The following ERCC1 variants were observed in gnomAD, a reference collection of about 807,000 sequenced individuals.
ERCC1 encodes the protein ERCC excision repair 1, endonuclease non-catalytic subunit.
Under a neutral mutation model 37.6 loss-of-function variants are expected in ERCC1, and 36 were observed. That is an observed-to-expected ratio of 0.96 (90% CI 0.73 to 1.26). The LOEUF (loss-of-function observed/expected upper bound fraction) is 1.26. Ranked by LOEUF, ERCC1 falls within the 50% of genes most tolerant of loss-of-function variation. The probability of loss-of-function intolerance (pLI) is 0.00; values close to 1 mark genes in which losing one functional copy is unlikely to be tolerated. For synonymous variants in ERCC1, 156 were observed against 162.1 expected (o/e 0.96, Z 0.28); for missense variants, 349 against 376.5 (o/e 0.93, Z 0.60).
chr19:45,422,336 G>A (rs1032586759), intron 2 of ERCC1, among the ~76,000 whole-genome samples: 4 of 152,070 alleles, frequency 2.6e-5, no homozygotes, highest in East Asian at 1.9e-4. Context: ...CCTTGAACAC[G>A]GCAGGCTCTC....
At chr19:45,419,046 C>T (rs758615882) in intron 5 of ERCC1, 52 bp downstream of exon 5, 111 of 1,277,600 alleles carry the variant, frequency 8.7e-5, no homozygotes, top group Non-Finnish European at 1.2e-4. Flanking sequence ...CAACAGCCCA[C>T]TGCACAACCT....
At position 45,450,771 on chromosome 19, in the gene ERCC1, CAAA is replaced by C. The variant is rs34533501; in HGVS notation, c.-7-27393_-7-27391del. The C allele has an allele frequency of 2.1e-3, 235 of 112,922 alleles. 2 individuals carry two copies. The highest frequency in any genetic ancestry group is 6.8e-3 in the African/African-American group (217 of 31,956). The allele number at this position is 112,922 out of a possible 1,614,324, so 7.0% of individuals were successfully genotyped here. On this transcript the variant is annotated intron_variant, in intron 1 of 8. Coordinates refer to the ERCC1 transcript ENST00000423698. ...ACAGAGCGAAAGCGAGACTCCGTCTCAAAAAAAAAAAAAAAAAGAGAGAGAGAA... is the reference window on the plus strand; with the variant it reads ...ACAGAGCGAAAGCGAGACTCCGTCTCAAAAAAAAAAAAAAGAGAGAGAGAA...
At chr19:45,422,912 T>C (rs1053765480) in intron 2 of ERCC1, among the ~76,000 whole-genome samples, 3 of 152,212 alleles carry the variant, frequency 2.0e-5, no homozygotes, top group African/African-American at 7.2e-5. Context: ...TGCCAGGTCC[T>C]TCCATTTACC....
intron 5 of ERCC1, among the ~76,000 whole-genome samples, chr19:45,418,780 G>A (rs539863848): frequency 6.6e-6 from 1 of 152,234 alleles, no homozygotes; most frequent in South Asian, 2.1e-4. Flanking sequence ...CCAAGATCAA[G>A]TCATTGCACT....
chr19:45,407,334 C>A lies in ERCC1; in HGVS notation c.*2341G>T. The stretch of plus-strand genomic sequence containing the variant: ...AAAGAATTAGAGGTGAGTCACAGAG[C>A]ACAGTGAAAGAAACAAGTTTATTGG... On this transcript the variant is annotated 3_prime_UTR_variant, in exon 10 of 10. Coordinates refer to ENST00000300853, the MANE Select transcript of ERCC1 (RefSeq NM_001983.4). The A allele has an allele frequency of 8.5e-7, 1 of 1,181,342 alleles. No homozygotes were observed. 73.2% of individuals were successfully genotyped at this position (1,181,342 alleles called of 1,614,324 possible).
chr19:45,437,125 C>T (rs1045364281), intron 1 of ERCC1, among the ~76,000 whole-genome samples: 5 of 151,636 alleles, frequency 3.3e-5, no homozygotes, highest in South Asian at 2.1e-4. Flanking sequence ...GACACACGCC[C>T]GTAATCCCAG....
intron 5 of ERCC1, 107 bp from the exon 6 acceptor site, chr19:45,417,004 G>A (rs1974107245): frequency 3.7e-6 from 3 of 814,508 alleles, no homozygotes; most frequent in African/African-American, 1.7e-5. Flanking sequence ...AGCTGAGGTG[G>A]GGGAACTGCT....
rs1599794588 is a variant in ERCC1 at position 45,409,234 on chromosome 19, G to C, written c.*441C>G. The C allele has an allele frequency of 1.4e-6, 1 of 712,688 alleles. No homozygotes were observed. The highest frequency in any genetic ancestry group is 4.1e-5 in the South Asian group (1 of 24,516). The allele number at this position is 712,688 out of a possible 1,614,324, so 44.1% of individuals were successfully genotyped here. A position where few individuals can be genotyped will look rare whatever the true frequency, so the allele number is the denominator to read the frequency against. ...CTCAGGCAGCTCCCACATCCACCAA[G>C]AAGAAGAAGAAGAAGAAAGAGAGAG... On this transcript the variant is annotated 3_prime_UTR_variant, in exon 10 of 10. Coordinates refer to ENST00000300853, the MANE Select transcript of ERCC1 (RefSeq NM_001983.4).
At chr19:45,446,120 G>A (rs540794091) in intron 1 of ERCC1, among the ~76,000 whole-genome samples, 93 of 151,882 alleles carry the variant, frequency 6.1e-4, no homozygotes, top group African/African-American at 1.8e-3. Context: ...GGCTGGTCTC[G>A]AACTCCTGAC....
chr19:45,418,585 G>C (rs1184330919), intron 5 of ERCC1, among the ~76,000 whole-genome samples: 1 of 151,696 alleles, frequency 6.6e-6, no homozygotes, highest in African/African-American at 2.4e-5. Context: ...GCCTTTGGGA[G>C]GCTGAGGTGG....
At chr19:45,443,536 C>G (rs1975174634) in intron 1 of ERCC1, among the ~76,000 whole-genome samples, 1 of 152,146 alleles carries the variant, frequency 6.6e-6, no homozygotes, top group Non-Finnish European at 1.5e-5. Context: ...ACGAGCCGCT[C>G]CCCCAGGATC....
At position 45,421,208 on chromosome 19, in the gene ERCC1, T is replaced by C. The variant is rs777946632; in HGVS notation, c.291A>G (p.Lys97=). The part of the protein sequence containing the change: ...TPNQALKPGA[K]SNSIIVSPRQ... ...GAGGGCTCACAATGATGCTGTTGGATTTTGCCCCGGGTTTCAGGGCCTGGT... is the reference window on the plus strand; with the variant it reads ...GAGGGCTCACAATGATGCTGTTGGACTTTGCCCCGGGTTTCAGGGCCTGGT... Residue 97 remains lysine, a synonymous_variant, in exon 3 of 10, where the codon AAA becomes AAG. Coordinates refer to ENST00000300853, the MANE Select transcript of ERCC1 (RefSeq NM_001983.4). 6.8e-6 allele frequency: 11 copies of C among 1,614,136 alleles called. No homozygotes were observed. The South Asian group carries it at 1.1e-4, about 16-fold the overall frequency.
At chr19:45,426,406 C>T (rs1222564615), upstream of ERCC1, among the ~76,000 whole-genome samples, 1 of 127,914 alleles carries the variant, frequency 7.8e-6, no homozygotes, top group South Asian at 2.7e-4. Flanking sequence ...AAAAAATTAG[C>T]CGGGCATGGT....
chr19:45,431,065 G>A (rs541886618), intron 1 of ERCC1, among the ~76,000 whole-genome samples: 5 of 152,164 alleles, frequency 3.3e-5, no homozygotes, highest in Admixed American at 6.6e-5. Context: ...CGATTCTCCC[G>A]CCTCAGCCTC....
chr19:45,433,111 C>T (rs1002027962), intron 1 of ERCC1, among the ~76,000 whole-genome samples: 2 of 151,760 alleles, frequency 1.3e-5, no homozygotes, highest in Non-Finnish European at 1.5e-5. Flanking sequence ...TGGATTAGGC[C>T]GGGTGCGGTG....
Position 45,413,617 on chromosome 19 carries a change from G to T in ERCC1, c.843+60C>A, listed in dbSNP as rs746198861. The stretch of plus-strand genomic sequence containing the variant: ...CCTTAAAACTTTGGGGTCTCAGGTT[G>T]TGTTTATTTGGGGCTCTCTCCTTCC... On this transcript the variant is annotated intron_variant, in intron 9 of 9. Transcript: ENST00000300853. 5.0e-6 allele frequency: 8 copies of T among 1,614,242 alleles called. No homozygotes were observed. In the Admixed American group the frequency reaches 1.2e-4, roughly 24 times the overall value.
chr19:45,450,480 ACAGTC>A (rs1245426289), intron 1 of ERCC1, among the ~76,000 whole-genome samples: 1 of 152,154 alleles, frequency 6.6e-6, no homozygotes, highest in Non-Finnish European at 1.5e-5. Flanking sequence ...AAGAGAATGA[ACAGTC>A]CAGGCCGGGC....
intron 1 of ERCC1, among the ~76,000 whole-genome samples, chr19:45,442,875 C>T (rs1423615963): frequency 6.6e-6 from 1 of 152,016 alleles, no homozygotes; most frequent in Non-Finnish European, 1.5e-5. Context: ...AGACCCACAG[C>T]ACCCCAGAGG....
Position 45,408,449 on chromosome 19 carries a change from C to T in ERCC1, c.*1226G>A. The T allele has an allele frequency of 6.2e-7, 1 of 1,613,838 alleles. No homozygotes were observed. The highest frequency in any genetic ancestry group is 2.2e-5 in the East Asian group (1 of 44,880). On this transcript the variant is annotated 3_prime_UTR_variant, in exon 10 of 10. Transcript: ENST00000300853. ...TGGGGGCAACCCACCAGTCACAGGG[C>T]CTAGGTCAGCCTTGGCCCCCAACCT...
Sources: gnomAD v4.1 joint callset for allele counts (sites outside exome capture counted in the v4.1 genomes callset) on GRCh38, gnomAD v4.1.1 for gene constraint, MANE v1.5 for transcripts, NCBI Gene and HGNC (gene_info 2026-07-23, HGNC 2026-07-21) for gene names.